Variants in SUMF1 observed in about 807,000 individuals in gnomAD.
The protein encoded by SUMF1 is formylglycine-generating enzyme.
A neutral mutation model predicts 47.6 loss-of-function variants in SUMF1; 48 were observed. The ratio of observed to expected loss-of-function variants is 1.01; its 90% confidence interval spans 0.80 to 1.28. The LOEUF (loss-of-function observed/expected upper bound fraction) is 1.28, where lower values mean the gene tolerates loss of function less well. SUMF1 is among the 50% of genes most tolerant of loss of function. SUMF1 has a pLI of 0.00. For synonymous variants in SUMF1, 230 were observed against 192.1 expected, an observed-to-expected ratio of 1.20 and a Z score of -1.63; for missense variants, 571 against 485.4, an observed-to-expected ratio of 1.18 and a Z score of -1.66.
intron 8 of SUMF1, among the ~76,000 whole-genome samples, chr3:4,165,070 A>G (rs1045215849): frequency 2.6e-5 from 4 of 152,104 alleles, no homozygotes; most frequent in Non-Finnish European, 4.4e-5. Context: ...CATACTGGGA[A>G]CAGCTTGCTC....
At chr3:4,050,265 A>T (rs1178319307) in intron 9 of SUMF1, among the ~76,000 whole-genome samples, 1 of 151,872 alleles carries the variant, frequency 6.6e-6, no homozygotes, top group African/African-American at 2.4e-5. Context: ...TCCGTTCTAA[A>T]TGATCCATTT....
intron 8 of SUMF1, among the ~76,000 whole-genome samples, chr3:4,297,873 A>G (rs1457824572): frequency 2.0e-5 from 3 of 152,192 alleles, no homozygotes; most frequent in Non-Finnish European, 4.4e-5. Context: ...TCTGAATACA[A>G]AGCCATGCAG....
At position 4,170,979 on chromosome 3, in the gene SUMF1, A is replaced by C. The variant is rs190415241; in HGVS notation, c.1015-102234T>G. Among the ~76,000 whole-genome samples, 41 of 152,344 alleles carry C rather than the reference A, an allele frequency of 2.7e-4. No homozygotes were observed. In the East Asian group the frequency reaches 5.8e-3, roughly 21 times the overall value. On this transcript the variant is annotated intron_variant and NMD_transcript_variant, in intron 8 of 12. Transcript: ENST00000448413. ...AAAAGTTTGAAGAAGGTGGCAATGTAGTGCTCTATGCCATTCACCCAAACT... is the reference window on the plus strand; with the variant it reads ...AAAAGTTTGAAGAAGGTGGCAATGTCGTGCTCTATGCCATTCACCCAAACT...
At chr3:4,347,999 T>G (rs1699407804) in intron 8 of SUMF1, among the ~76,000 whole-genome samples, 1 of 151,786 alleles carries the variant, frequency 6.6e-6, no homozygotes, top group African/African-American at 2.4e-5. Context: ...CCTCTCCAAC[T>G]ACAAAGCACT....
chr3:4,069,564 C>T (rs1695468110), intron 8 of SUMF1, among the ~76,000 whole-genome samples: 2 of 152,104 alleles, frequency 1.3e-5, no homozygotes, highest in Admixed American at 1.3e-4. Flanking sequence ...ATTCATGATG[C>T]CCCATGAGCA....
At chr3:4,252,352 G>GCGCA (rs1553613505) in intron 8 of SUMF1, among the ~76,000 whole-genome samples, 4,024 of 129,660 alleles carry the variant, frequency 0.031, 72 homozygotes, top group African/African-American at 0.038. Flanking sequence ...ACACACATGC[G>GCGCA]CACACACACA....
intron 8 of SUMF1, among the ~76,000 whole-genome samples, chr3:4,194,898 A>G (rs1484945088): frequency 6.6e-6 from 1 of 152,136 alleles, no homozygotes; most frequent in African/African-American, 2.4e-5. Flanking sequence ...ATAGAAAGTA[A>G]AAGAGTTAAC....
chr3:4,125,382 T>A (rs1693633727), intron 8 of SUMF1, among the ~76,000 whole-genome samples: 1 of 139,006 alleles, frequency 7.2e-6, no homozygotes, highest in Non-Finnish European at 1.6e-5. Flanking sequence ...AAAAGCACTA[T>A]GCTTTATTAT....
chr3:4,063,375 G>A (rs1574851463), intron 9 of SUMF1, among the ~76,000 whole-genome samples: 3 of 152,148 alleles, frequency 2.0e-5, no homozygotes, highest in African/African-American at 4.8e-5. Context: ...CACACAAAAT[G>A]TTTTTGTGTC....
intron 8 of SUMF1, among the ~76,000 whole-genome samples, chr3:4,167,006 T>A (rs916016552): frequency 3.3e-5 from 5 of 151,812 alleles, no homozygotes; most frequent in African/African-American, 9.7e-5. Flanking sequence ...TAAGGAAAAA[T>A]AGGACAGAAC....
intron 8 of SUMF1, among the ~76,000 whole-genome samples, chr3:4,154,430 C>T (rs1694407084): frequency 6.6e-6 from 1 of 151,508 alleles, no homozygotes; most frequent in African/African-American, 2.4e-5. Context: ...AGATAGTTAA[C>T]ACTTATTGGG....
chr3:4,116,661 C>T (rs17702174), intron 8 of SUMF1, among the ~76,000 whole-genome samples: 48,420 of 151,966 alleles, frequency 0.32, 8,543 homozygotes, highest in Non-Finnish European at 0.4. Context: ...AAGCAATAAA[C>T]CAGTGACCCA....
At chr3:4,427,161 T>A (rs1702094775) in intron 3 of SUMF1, among the ~76,000 whole-genome samples, 1 of 152,256 alleles carries the variant, frequency 6.6e-6, no homozygotes, top group South Asian at 2.1e-4. Flanking sequence ...AAGAAAGCTC[T>A]GTATAATTAT....
intron 8 of SUMF1, among the ~76,000 whole-genome samples, chr3:4,287,670 T>C (rs2125051713): frequency 6.6e-6 from 1 of 152,308 alleles, no homozygotes; most frequent in East Asian, 1.9e-4. Context: ...TGCACAGACA[T>C]TGAATATCAC....
In SUMF1 at chr3:4,466,277, A is replaced by T. The variant is rs533691414; in HGVS notation, c.270+699T>A. On this transcript the variant is annotated intron_variant, in intron 1 of 8. Transcript: ENST00000272902. ...CAGGCGCCCGCCACCACGCCCGGCT[A>T]ATTTTTGTATTTTTAGTAGAGACGG... Among the ~76,000 whole-genome samples, 365 of 151,852 alleles carry T rather than the reference A, an allele frequency of 2.4e-3. 2 individuals are homozygous for T. Among genetic ancestry groups the T allele is most frequent in the African/African-American group, 8.4e-3 (348 of 41,382 alleles).
chr3:4,313,622 G>C, intron 8 of SUMF1: 1 of 1,614,066 alleles, frequency 6.2e-7, no homozygotes, highest in Non-Finnish European at 8.5e-7. Context: ...GCCAAATCAT[G>C]TACTGCTTTC....
intron 8 of SUMF1, among the ~76,000 whole-genome samples, chr3:4,113,382 A>G (rs536106023): frequency 1.3e-5 from 2 of 152,038 alleles, no homozygotes; most frequent in South Asian, 4.2e-4. Flanking sequence ...AATAAAAATT[A>G]GCCAGGCATG....
chr3:4,300,294 G>A (rs1697936554), intron 8 of SUMF1, among the ~76,000 whole-genome samples: 1 of 152,100 alleles, frequency 6.6e-6, no homozygotes, highest in East Asian at 1.9e-4. Flanking sequence ...AGCTTCCTGA[G>A]GCCTGCCCAG....
intron 8 of SUMF1, among the ~76,000 whole-genome samples, chr3:4,132,993 C>A (rs2176243): frequency 0.024 from 3,699 of 152,176 alleles, 142 homozygotes; most frequent in African/African-American, 0.085. Context: ...AGGAAAAAAA[C>A]CACAACCTGC....
Sources: allele counts gnomAD v4.1 joint callset (sites outside exome capture counted in the v4.1 genomes callset), GRCh38; gene constraint gnomAD v4.1.1; transcripts MANE v1.5; gene names NCBI Gene and HGNC (gene_info 2026-07-23, HGNC 2026-07-21).